Variants in CSMD1 observed in about 807,000 individuals in gnomAD.
CSMD1 encodes CUB and Sushi multiple domains 1.
Under a neutral mutation model 417.5 loss-of-function variants are expected in CSMD1, and 213 were observed. The observed-to-expected ratio is 0.51, with a 90% CI of 0.46 to 0.57. The LOEUF is 0.57. Ranked by LOEUF, CSMD1 falls within the 20% of genes least tolerant of loss-of-function variation. The probability of loss-of-function intolerance (pLI) is 0.00; values close to 1 mark genes in which losing one functional copy is unlikely to be tolerated. For missense variants in CSMD1, 6,923 were observed against 4,529.7 expected (o/e 1.53, Z -15.17); for synonymous variants, 2,862 against 1,736.8 (o/e 1.65, Z -16.11).
At chr8:3,371,985 A>T (rs1355230848) in intron 18 of CSMD1, among the ~76,000 whole-genome samples, 1 of 152,242 alleles carries the variant, frequency 6.6e-6, no homozygotes, top group African/African-American at 2.4e-5. Context: ...ATTAATAATA[A>T]GAGAGATAAA....
At chr8:4,371,294 G>A (rs1291792804) in intron 3 of CSMD1, among the ~76,000 whole-genome samples, 1 of 152,052 alleles carries the variant, frequency 6.6e-6, no homozygotes, top group South Asian at 2.1e-4. Flanking sequence ...CTGCTGGGCT[G>A]GAGAGGCCAA....
At chr8:4,645,033 A>G (rs550897985) in intron 1 of CSMD1, among the ~76,000 whole-genome samples, 54 of 152,190 alleles carry the variant, frequency 3.5e-4, no homozygotes, top group African/African-American at 1.2e-3. Flanking sequence ...GATTACTTAA[A>G]ACATTAGGAT....
chr8:4,193,732 G>C (rs1005557802), intron 3 of CSMD1, among the ~76,000 whole-genome samples: 4 of 152,126 alleles, frequency 2.6e-5, no homozygotes, highest in African/African-American at 9.7e-5. Context: ...GTCTCCACAG[G>C]AGAATGTTTA....
intron 3 of CSMD1, among the ~76,000 whole-genome samples, chr8:4,061,797 G>C (rs1335059441): frequency 6.6e-6 from 1 of 152,132 alleles, no homozygotes; most frequent in South Asian, 2.1e-4. Context: ...ATTTGCAGTT[G>C]ATTATTTATT....
intron 5 of CSMD1, among the ~76,000 whole-genome samples, chr8:3,925,932 A>G (rs1300514719): frequency 6.6e-6 from 1 of 151,894 alleles, no homozygotes; most frequent in Admixed American, 6.6e-5. Context: ...AAGGTACAGC[A>G]GCCAAGCAGT....
At chr8:3,579,215 G>A (rs1029157675) in intron 9 of CSMD1, among the ~76,000 whole-genome samples, 3 of 152,160 alleles carry the variant, frequency 2.0e-5, no homozygotes, top group African/African-American at 7.2e-5. Flanking sequence ...AGGGAAAGTG[G>A]AAAGGGAGAA....
At chr8:3,120,674 C>T (rs1010247331) in intron 41 of CSMD1, among the ~76,000 whole-genome samples, 5 of 149,826 alleles carry the variant, frequency 3.3e-5, no homozygotes, top group Non-Finnish European at 5.9e-5. Context: ...TGGTGAAACC[C>T]TGTCTCTACT....
At chr8:4,012,069 T>A (rs774321148) in intron 4 of CSMD1, among the ~76,000 whole-genome samples, 16 of 152,140 alleles carry the variant, frequency 1.1e-4, no homozygotes, top group African/African-American at 3.6e-4. Context: ...GCAGCCATCA[T>A]ATGCCTAGCT....
chr8:2,950,796 C>T (rs535373521), intron 66 of CSMD1, among the ~76,000 whole-genome samples: 10 of 152,192 alleles, frequency 6.6e-5, no homozygotes, highest in South Asian at 2.1e-4. Flanking sequence ...TCATGAAGAG[C>T]ACATGAGTTA....
At position 4,243,581 on chromosome 8, in the gene CSMD1, C is replaced by A. The variant is rs150222760; in HGVS notation, c.415+176372G>T. Among the ~76,000 whole-genome samples, 459 of 152,212 alleles carry A rather than the reference C, an allele frequency of 3.0e-3. 1 individual carries two copies. Among genetic ancestry groups the A allele is most frequent in the African/African-American group, 0.011 (444 of 41,522 alleles). ...CAAGCATATGAGTAAATAAGTTATG[C>A]AAGGAGAGATGTCTCCATGACTATT... is the stretch of plus-strand genomic sequence containing the variant. On this transcript the variant is annotated intron_variant, in intron 3 of 69. Coordinates refer to ENST00000635120, the MANE Select transcript of CSMD1 (RefSeq NM_033225.6).
intron 3 of CSMD1, among the ~76,000 whole-genome samples, chr8:4,034,640 G>A (rs1797522837): frequency 6.6e-6 from 1 of 152,092 alleles, no homozygotes; most frequent in Non-Finnish European, 1.5e-5. Context: ...GACACACGTT[G>A]TATAGCCACC....
At chr8:4,058,776 A>G (rs1798824892) in intron 3 of CSMD1, among the ~76,000 whole-genome samples, 1 of 145,862 alleles carries the variant, frequency 6.9e-6, no homozygotes. Flanking sequence ...ATACAGGAGC[A>G]CCCAGATTCA....
Position 3,409,573 on chromosome 8 carries a change from T to C in CSMD1, c.1594A>G (p.Ile532Val). 1 of 1,607,726 alleles carries C rather than the reference T, an allele frequency of 6.2e-7. No homozygotes were observed. The highest frequency in any genetic ancestry group is 8.5e-7 in the Non-Finnish European group (1 of 1,176,696). ...CCCGTCCGCTTCCCATAGGCGGGGATTCCAGGATCCCCACACCCTCCCTTT... is the reference window on the plus strand; with the variant it reads ...CCCGTCCGCTTCCCATAGGCGGGGACTCCAGGATCCCCACACCCTCCCTTT... ...IEKGGCGDPG[I>V]PAYGKRTGSS... The change falls in exon 13 of 70, where the codon ATC becomes GTC. Residue 532 changes from isoleucine (I) to valine (V), a missense_variant. Coordinates refer to ENST00000635120, the MANE Select transcript of CSMD1 (RefSeq NM_033225.6).
chr8:4,100,699 T>C (rs972221754), intron 3 of CSMD1, among the ~76,000 whole-genome samples: 1 of 152,172 alleles, frequency 6.6e-6, no homozygotes, highest in African/African-American at 2.4e-5. Context: ...GGAGACTCTT[T>C]AATTTTTTTC....
intron 1 of CSMD1, among the ~76,000 whole-genome samples, chr8:4,850,660 C>T (rs1482849551): frequency 6.6e-6 from 1 of 152,060 alleles, no homozygotes; most frequent in Admixed American, 6.5e-5. Context: ...AAAGTCCTTG[C>T]TCCTTACCCC....
chr8:4,622,456 C>G (rs1353152829), intron 2 of CSMD1, among the ~76,000 whole-genome samples: 1 of 152,104 alleles, frequency 6.6e-6, no homozygotes, highest in Non-Finnish European at 1.5e-5. Flanking sequence ...ACTGGATACC[C>G]TGCACAATGC....
intron 3 of CSMD1, among the ~76,000 whole-genome samples, chr8:4,210,873 C>G (rs897611882): frequency 6.6e-6 from 1 of 152,122 alleles, no homozygotes; most frequent in African/African-American, 2.4e-5. Flanking sequence ...GTGTTGTCTT[C>G]TTGGTCCCTC....
chr8:4,254,221 C>G (rs1282192750), intron 3 of CSMD1, among the ~76,000 whole-genome samples: 5 of 152,064 alleles, frequency 3.3e-5, no homozygotes, highest in African/African-American at 1.2e-4. Context: ...CAAGCCTTTC[C>G]TTTTATCTTT....
At chr8:4,092,347 A>G (rs1276268533) in intron 3 of CSMD1, among the ~76,000 whole-genome samples, 1 of 152,306 alleles carries the variant, frequency 6.6e-6, no homozygotes, top group East Asian at 1.9e-4. Context: ...CAGGAGAATC[A>G]TGACGTGACA....
Sources: gnomAD v4.1 joint callset for allele counts (sites outside exome capture counted in the v4.1 genomes callset) on GRCh38, gnomAD v4.1.1 for gene constraint, MANE v1.5 for transcripts, NCBI Gene and HGNC (gene_info 2026-07-23, HGNC 2026-07-21) for gene names.